CNTNAP2: variants seen among roughly 807,000 people sequenced by gnomAD.
The protein encoded by CNTNAP2 is contactin associated protein 2, also known as contactin-associated protein-like 2.
Under a neutral mutation model 155.2 loss-of-function variants are expected in CNTNAP2, and 98 were observed. That is an observed-to-expected ratio of 0.63 (90% CI 0.54 to 0.75). The LOEUF is 0.75. Among genes scored for constraint, CNTNAP2 ranks in the 30% least tolerant of loss-of-function variants. The pLI, the probability that CNTNAP2 is intolerant of heterozygous loss-of-function variation, is 0.00. For missense variants in CNTNAP2, 1,727 were observed against 1,688.1 expected (o/e 1.02, Z -0.40); for synonymous variants, 651 against 631.2 (o/e 1.03, Z -0.47).
intron 21 of CNTNAP2, among the ~76,000 whole-genome samples, chr7:148,362,660 C>T (rs1798647529): frequency 6.6e-6 from 1 of 152,218 alleles, no homozygotes; most frequent in Admixed American, 6.5e-5. Context: ...CCCCATCCAA[C>T]AGACAAGTGT....
intron 1 of CNTNAP2, among the ~76,000 whole-genome samples, chr7:146,162,453 T>C (rs1186789885): frequency 5.9e-5 from 9 of 152,076 alleles, no homozygotes; most frequent in Non-Finnish European, 1.2e-4. Context: ...AAAACCACAA[T>C]GAGATACCAT....
At chr7:147,471,488 A>G (rs11982446) in intron 10 of CNTNAP2, among the ~76,000 whole-genome samples, 1 of 152,104 alleles carries the variant, frequency 6.6e-6, no homozygotes, top group African/African-American at 2.4e-5. Flanking sequence ...TAAGTGGGGC[A>G]GTGGTATTGA....
At chr7:147,849,071 A>G (rs1798873546) in intron 13 of CNTNAP2, among the ~76,000 whole-genome samples, 1 of 152,224 alleles carries the variant, frequency 6.6e-6, no homozygotes, top group Non-Finnish European at 1.5e-5. Context: ...GGTATAGTAA[A>G]TATGATTGAT....
chr7:146,852,527 C>T (rs1012215861), intron 3 of CNTNAP2, among the ~76,000 whole-genome samples: 3 of 152,230 alleles, frequency 2.0e-5, no homozygotes, highest in African/African-American at 7.2e-5. Context: ...TACTTTCAAA[C>T]TCCATACAGT....
intron 1 of CNTNAP2, among the ~76,000 whole-genome samples, chr7:146,572,469 C>G (rs959075134): frequency 6.6e-6 from 1 of 151,986 alleles, no homozygotes; most frequent in Non-Finnish European, 1.5e-5. Context: ...TAATGGGTTA[C>G]ATTGCTATTA....
intron 1 of CNTNAP2, among the ~76,000 whole-genome samples, chr7:146,237,412 A>C (rs2116922782): frequency 6.6e-6 from 1 of 152,336 alleles, no homozygotes; most frequent in South Asian, 2.1e-4. Flanking sequence ...GGTAGCTTGA[A>C]ACAATTACTT....
At chr7:147,411,143 C>T (rs1306627716) in intron 10 of CNTNAP2, among the ~76,000 whole-genome samples, 1 of 152,186 alleles carries the variant, frequency 6.6e-6, no homozygotes, top group Non-Finnish European at 1.5e-5. Flanking sequence ...AGTGTATTTG[C>T]AATACCATCT....
intron 1 of CNTNAP2, among the ~76,000 whole-genome samples, chr7:146,765,651 TAAAG>T (rs1001684293): frequency 6.6e-6 from 1 of 152,022 alleles, no homozygotes; most frequent in African/African-American, 2.4e-5. Context: ...AGAAAAGTAA[TAAAG>T]AAATTAAAAA....
chr7:146,362,766 C>CTTTTT (rs773124124), intron 1 of CNTNAP2, among the ~76,000 whole-genome samples: 7 of 96,450 alleles, frequency 7.3e-5, no homozygotes, highest in East Asian at 2.7e-4. Flanking sequence ...TCACACAGCA[C>CTTTTT]TTTTTTTTTT....
At position 146,252,015 on chromosome 7, in the gene CNTNAP2, C is replaced by A. The variant is rs1483477806; in HGVS notation, c.97+135042C>A. ...GCCGGGTGAGTTTGGGTTGGCTGGGCTCAGTTTCACTGGGCTTTTGATTCC... is the reference window on the plus strand; with the variant it reads ...GCCGGGTGAGTTTGGGTTGGCTGGGATCAGTTTCACTGGGCTTTTGATTCC... On this transcript the variant is annotated intron_variant, in intron 1 of 23. Coordinates refer to ENST00000361727, the MANE Select transcript of CNTNAP2 (RefSeq NM_014141.6). Among the ~76,000 whole-genome samples, 3 of 152,132 alleles carry A rather than the reference C, an allele frequency of 2.0e-5. No homozygotes were observed. The South Asian group carries it at 6.2e-4, about 32-fold the overall frequency.
In CNTNAP2 at chr7:148,368,118, C is replaced by T. The variant is rs115297567; in HGVS notation, c.3476-15531C>T. On this transcript the variant is annotated intron_variant, in intron 21 of 23. Coordinates refer to ENST00000361727, the MANE Select transcript of CNTNAP2 (RefSeq NM_014141.6). Reference sequence around the variant, plus strand: ...TCACTCCCTTTAGGTGTCTAAGAGACGACTGCAGCTTCAGTGCCTGGCTCA... The same window carrying T: ...TCACTCCCTTTAGGTGTCTAAGAGATGACTGCAGCTTCAGTGCCTGGCTCA... Among the ~76,000 whole-genome samples the T allele has an allele frequency of 6.4e-3, 976 of 152,316 alleles. 13 individuals are homozygous for T. The highest frequency in any genetic ancestry group is 0.022 in the African/African-American group (920 of 41,576).
At chr7:146,428,212 G>A (rs985790716) in intron 1 of CNTNAP2, among the ~76,000 whole-genome samples, 4 of 152,094 alleles carry the variant, frequency 2.6e-5, no homozygotes, top group African/African-American at 9.7e-5. Flanking sequence ...ACATACACAT[G>A]TATGTGTCTT....
chr7:147,627,016 C>T (rs1195212658), intron 12 of CNTNAP2, among the ~76,000 whole-genome samples: 1 of 152,130 alleles, frequency 6.6e-6, no homozygotes, highest in South Asian at 2.1e-4. Context: ...TTCCCCAGCA[C>T]CAGTCTAGAG....
At chr7:148,005,830 T>C (rs766155865) in intron 15 of CNTNAP2, among the ~76,000 whole-genome samples, 9 of 152,202 alleles carry the variant, frequency 5.9e-5, no homozygotes, top group Non-Finnish European at 1.3e-4. Context: ...GTATTATTGC[T>C]TTGTTACTGA....
intron 15 of CNTNAP2, among the ~76,000 whole-genome samples, chr7:148,034,808 A>G (rs1228322692): frequency 1.3e-5 from 2 of 152,208 alleles, no homozygotes; most frequent in African/African-American, 4.8e-5. Flanking sequence ...GAGAAGAAAT[A>G]TAGGGGAAGT....
At chr7:146,739,580 T>C (rs1801675539) in intron 1 of CNTNAP2, among the ~76,000 whole-genome samples, 1 of 152,068 alleles carries the variant, frequency 6.6e-6, no homozygotes, top group African/African-American at 2.4e-5. Context: ...CCATATGATC[T>C]ATTTTAGAGA....
chr7:147,367,707 A>T (rs1584903648), intron 9 of CNTNAP2, among the ~76,000 whole-genome samples: 1 of 152,108 alleles, frequency 6.6e-6, no homozygotes, highest in East Asian at 1.9e-4. Flanking sequence ...CCATCTCAGG[A>T]CTGTGCCAGT....
chr7:146,158,842 C>T (rs929246491), intron 1 of CNTNAP2, among the ~76,000 whole-genome samples: 1 of 152,118 alleles, frequency 6.6e-6, no homozygotes, highest in African/African-American at 2.4e-5. Context: ...GGAGAACTTC[C>T]CCAAACTAAT....
intron 18 of CNTNAP2, among the ~76,000 whole-genome samples, chr7:148,208,088 C>CA (rs10551518): frequency 2.3e-3 from 278 of 120,814 alleles, no homozygotes; most frequent in Middle Eastern, 0.018. Flanking sequence ...GACTCCGTGT[C>CA]AAAAAAAAAA....
Sources: gnomAD v4.1 joint callset for allele counts (sites outside exome capture counted in the v4.1 genomes callset) on GRCh38, gnomAD v4.1.1 for gene constraint, MANE v1.5 for transcripts, NCBI Gene and HGNC (gene_info 2026-07-23, HGNC 2026-07-21) for gene names.